RNF220: variants seen among roughly 807,000 people sequenced by gnomAD.
RNF220 encodes the protein E3 ubiquitin-protein ligase RNF220.
Under a neutral mutation model 67.1 loss-of-function variants are expected in RNF220, and 7 were observed. The observed-to-expected ratio is 0.10, with a 90% CI of 0.06 to 0.20. The LOEUF (loss-of-function observed/expected upper bound fraction) is 0.20. Ranked by LOEUF, RNF220 falls within the 10% of genes least tolerant of loss-of-function variation. The pLI, the probability that RNF220 is intolerant of heterozygous loss-of-function variation, is 1.00. For synonymous variants in RNF220, 270 were observed against 283.2 expected (o/e 0.95, Z 0.47); for missense variants, 565 against 740.3 (o/e 0.76, Z 2.75).
intron 2 of RNF220, among the ~76,000 whole-genome samples, chr1:44,413,360 C>A (rs1648179579): frequency 6.6e-6 from 1 of 152,190 alleles, no homozygotes; most frequent in Non-Finnish European, 1.5e-5. Context: ...TCCTGGGGCT[C>A]ACTTTTAGGA....
intron 2 of RNF220, among the ~76,000 whole-genome samples, chr1:44,562,389 G>A (rs187559930): frequency 2.6e-5 from 4 of 152,186 alleles, no homozygotes; most frequent in East Asian, 1.9e-4. Context: ...TGATGCTGAG[G>A]CTGCTGACAC....
intron 5 of RNF220, among the ~76,000 whole-genome samples, chr1:44,629,436 T>C (rs1238848853): frequency 6.6e-6 from 1 of 152,252 alleles, no homozygotes; most frequent in Non-Finnish European, 1.5e-5. Flanking sequence ...CTCAAACATT[T>C]ATTTAGTACT....
intron 6 of RNF220, among the ~76,000 whole-genome samples, chr1:44,633,703 A>G (rs936004372): frequency 1.3e-5 from 2 of 152,192 alleles, no homozygotes; most frequent in African/African-American, 4.8e-5. Flanking sequence ...TTGTGGTATC[A>G]TCAGCACCTT....
chr1:44,649,360 C>G lies in RNF220; in HGVS notation c.1446-301C>G. On this transcript the variant is annotated intron_variant, in intron 12 of 14. Transcript: ENST00000361799. The surrounding 1 kb of genome is among the most constrained non-coding windows in gnomAD (Gnocchi z 5.9). ...GGACTCATGGTGGTGAGGAGAGATG[C>G]CGGAGATACTAGGAGAGATGACAGA... The G allele has an allele frequency of 2.3e-6, 1 of 434,776 alleles. No homozygotes were observed. Among genetic ancestry groups the G allele is most frequent in the Non-Finnish European group, 4.2e-6 (1 of 236,778 alleles). 26.9% of individuals were successfully genotyped at this position (434,776 alleles called of 1,614,324 possible).
intron 2 of RNF220, among the ~76,000 whole-genome samples, chr1:44,492,746 T>G (rs565920971): frequency 2.0e-5 from 3 of 152,158 alleles, no homozygotes; most frequent in Non-Finnish European, 4.4e-5. Context: ...AGATTAGTAG[T>G]TGCCTAGGGC....
At chr1:44,510,119 G>A (rs1392161471) in intron 2 of RNF220, among the ~76,000 whole-genome samples, 1 of 150,840 alleles carries the variant, frequency 6.6e-6, no homozygotes, top group African/African-American at 2.4e-5. Flanking sequence ...TGCACCTGTA[G>A]TCCCAGCTAC....
intron 2 of RNF220, among the ~76,000 whole-genome samples, chr1:44,547,388 C>T (rs561239303): frequency 5.9e-5 from 9 of 152,290 alleles, no homozygotes; most frequent in African/African-American, 2.2e-4. Flanking sequence ...TGTTCATCCA[C>T]ATCTCCAAGT....
chr1:44,627,430 TAG>T (rs1643990312), intron 5 of RNF220, among the ~76,000 whole-genome samples: 1 of 149,244 alleles, frequency 6.7e-6, no homozygotes, highest in South Asian at 2.1e-4. Flanking sequence ...CAGGCCCAGA[TAG>T]AGAGACAGGC....
intron 2 of RNF220, among the ~76,000 whole-genome samples, chr1:44,488,939 C>T (rs1656605547): frequency 6.6e-6 from 1 of 152,044 alleles, no homozygotes; most frequent in Non-Finnish European, 1.5e-5. Context: ...CTATGTTGGC[C>T]AGGCCAGTCT....
chr1:44,611,961 C>T (rs1643330027), intron 2 of RNF220, among the ~76,000 whole-genome samples: 1 of 152,230 alleles, frequency 6.6e-6, no homozygotes, highest in African/African-American at 2.4e-5. Context: ...GTCTTGTTCA[C>T]CTGTGAGATT....
rs188637515 is a variant in RNF220 at position 44,541,842 on chromosome 1, A to T, written c.626-72323A>T. Among the ~76,000 whole-genome samples the T allele has an allele frequency of 5.3e-5, 8 of 152,294 alleles. No individual in the cohort carries two copies. The East Asian group carries it at 1.3e-3, about 26-fold the overall frequency. ...TGCTCTGAAACATTGCAACTGTCAG[A>T]TTCCTTCTTCCCATATGTCTCCTGG... On this transcript the variant is annotated intron_variant, in intron 2 of 14. Coordinates refer to ENST00000361799, the MANE Select transcript of RNF220 (RefSeq NM_018150.4).
At chr1:44,642,340 C>T (rs1644511132) in intron 8 of RNF220, among the ~76,000 whole-genome samples, 1 of 152,098 alleles carries the variant, frequency 6.6e-6, no homozygotes, top group African/African-American at 2.4e-5. Flanking sequence ...AGGATGAGCC[C>T]AATAAAGGTT....
chr1:44,412,863 C>A lies in RNF220; in HGVS notation c.625+141C>A. On this transcript the variant is annotated intron_variant, in intron 2 of 14. Coordinates refer to ENST00000361799, the MANE Select transcript of RNF220 (RefSeq NM_018150.4). The surrounding 1 kb of genome is among the most constrained non-coding windows in gnomAD (Gnocchi z 5.3). ...CCTTTCACTAGCTGTGGAGTGCTAA[C>A]CTTTGCTTGTCTCTTATCAGTGAGC... The A allele has an allele frequency of 1.0e-6, 1 of 964,560 alleles. No individual in the cohort carries two copies. The highest frequency in any genetic ancestry group is 1.6e-5 in the South Asian group (1 of 61,514). The allele number at this position is 964,560 out of a possible 1,614,324, so 59.8% of individuals were successfully genotyped here.
rs144752659 is a variant in RNF220, at chr1:44,517,452, G to GT, written c.626-96706dup. Among the ~76,000 whole-genome samples the GT allele has an allele frequency of 6.8e-3, 1,041 of 152,184 alleles. 7 individuals carry two copies. Among genetic ancestry groups the GT allele is most frequent in the Non-Finnish European group, 0.01 (714 of 68,012 alleles). ...TCCCAGTCTATAAAAGATTTCACCT[G>GT]TTTTTTTCTTTCTTTCTTTTTTCTT... On this transcript the variant is annotated intron_variant, in intron 2 of 14. Transcript: ENST00000361799.
chr1:44,437,226 G>A (rs72893872), intron 2 of RNF220, among the ~76,000 whole-genome samples: 5,117 of 152,244 alleles, frequency 0.034, 295 homozygotes, highest in African/African-American at 0.12. Context: ...AGCTAAAGTC[G>A]ATTGCATAGA....
rs1281673281 is a variant in RNF220, at chr1:44,645,315, G to C, written c.1366+39G>C. On this transcript the variant is annotated intron_variant, in intron 11 of 14. Coordinates refer to ENST00000361799, the MANE Select transcript of RNF220 (RefSeq NM_018150.4). This position sits in a 1 kb window ranked among gnomAD's most constrained non-coding sequence, Gnocchi z 5.0. Reference sequence around the variant, plus strand: ...CAGGTTAGGAGTAATGGGGGAGAGGGGGTATCCCTAGATGGTGGTGACTGA... The same window carrying C: ...CAGGTTAGGAGTAATGGGGGAGAGGCGGTATCCCTAGATGGTGGTGACTGA... 6.2e-7 allele frequency: 1 copy of C among 1,613,568 alleles called. No homozygotes were observed. Among genetic ancestry groups the C allele is most frequent in the Admixed American group, 1.7e-5 (1 of 60,004 alleles).
chr1:44,627,617 C>T (rs1295677707), intron 5 of RNF220, among the ~76,000 whole-genome samples: 1 of 152,168 alleles, frequency 6.6e-6, no homozygotes, highest in Non-Finnish European at 1.5e-5. Context: ...AGAGCCCTGT[C>T]TTTAAGAACC....
intron 2 of RNF220, among the ~76,000 whole-genome samples, chr1:44,513,066 C>T (rs1342141544): frequency 6.6e-6 from 1 of 152,208 alleles, no homozygotes; most frequent in Non-Finnish European, 1.5e-5. Flanking sequence ...TCTGCCCCCA[C>T]TGCAGCCAAT....
intron 12 of RNF220, among the ~76,000 whole-genome samples, chr1:44,648,012 C>A (rs999059465): frequency 1.3e-5 from 2 of 152,228 alleles, no homozygotes; most frequent in African/African-American, 4.8e-5. Flanking sequence ...CTCTTGCATG[C>A]CATCTCCTTT....
Sources: gnomAD v4.1 joint callset for allele counts (sites outside exome capture counted in the v4.1 genomes callset) on GRCh38, gnomAD v4.1.1 for gene constraint, Gnocchi (gnomAD v3.1) non-coding constraint, MANE v1.5 for transcripts, NCBI Gene and HGNC (gene_info 2026-07-23, HGNC 2026-07-21) for gene names.